Variants in KLF5 observed in about 807,000 individuals in gnomAD.
The protein encoded by KLF5 is Krueppel-like factor 5.
In KLF5, 9 loss-of-function variants were observed where a neutral mutation model predicts 36.9. The observed-to-expected ratio is 0.24, with a 90% confidence interval of 0.15 to 0.43. The LOEUF is 0.43. Among genes scored for constraint, KLF5 ranks in the 20% least tolerant of loss-of-function variants. KLF5 has a pLI of 1.00. For missense variants in KLF5, 524 were observed against 599.5 expected (o/e 0.87, Z 1.31); for synonymous variants, 246 against 241.7 (o/e 1.02, Z -0.17).
intron 3 of KLF5, among the ~76,000 whole-genome samples, chr13:73,071,128 A>G (rs1308438040): frequency 6.6e-6 from 1 of 152,244 alleles, no homozygotes; most frequent in Non-Finnish European, 1.5e-5. Flanking sequence ...AAGCCTTCCT[A>G]AAGCAGTATA....
chr13:73,064,276 T>G (rs574280604), intron 3 of KLF5, among the ~76,000 whole-genome samples: 2 of 152,336 alleles, frequency 1.3e-5, no homozygotes, highest in African/African-American at 4.8e-5. Context: ...TCTTAAAAAC[T>G]TTCCCATTTG....
rs73518693 is a variant in KLF5 at position 73,066,737 on chromosome 13, G to A, written c.1195+2854G>A. Among the ~76,000 whole-genome samples the A allele has an allele frequency of 8.2e-3, 1,252 of 152,262 alleles. 22 individuals carry two copies. Among genetic ancestry groups the A allele is most frequent in the African/African-American group, 0.028 (1,180 of 41,554 alleles). ...GTCTTAACAAAATAGAACTTTTTAA[G>A]TAATCTGAGATGACAGAGTAGATGA... On this transcript the variant is annotated intron_variant, in intron 3 of 3. Coordinates refer to ENST00000377687, the MANE Select transcript of KLF5 (RefSeq NM_001730.5).
chr13:73,062,907 C>G (rs1374798900), intron 2 of KLF5, among the ~76,000 whole-genome samples, 173 bp downstream of exon 2: 1 of 146,134 alleles, frequency 6.8e-6, no homozygotes, highest in African/African-American at 2.5e-5. Context: ...TTTTTTTTCT[C>G]TATCCTATCT....
chr13:73,062,504 C>T lies in KLF5; in HGVS notation c.905C>T (p.Pro302Leu). The T allele has an allele frequency of 3.1e-6, 5 of 1,614,198 alleles. No homozygotes were observed. Among genetic ancestry groups the T allele is most frequent in the Admixed American group, 1.7e-5 (1 of 60,024 alleles). ...FLPQQATYFP[P>L]SPPSSEPGSP... ...CCACAACAGGCCACTTACTTTCCCC[C>T]GTCACCACCAAGCTCAGAGCCTGGA... The change falls in exon 2 of 4, where the codon CCG (proline) becomes CTG (leucine). Residue 302 changes from proline (P) to leucine (L), a missense_variant. This residue lies in a region of KLF5 where 454 missense variants were observed against 458.1 expected (regional missense o/e 0.99). Coordinates refer to ENST00000377687, the MANE Select transcript of KLF5 (RefSeq NM_001730.5).
intron 3 of KLF5, chr13:73,075,195 T>C (rs9573096): frequency 0.51 from 77,183 of 152,112 alleles, 19,877 homozygotes; most frequent in East Asian, 0.69. Context: ...CTAGGACCAG[T>C]TTCTGGTTAA....
In KLF5 at chr13:73,062,558, A is replaced by G; in HGVS notation, c.959A>G (p.Gln320Arg). Reference protein sequence around the residue: ...GSPDRQAEMLQNLTPPPSYAA... With the variant: ...GSPDRQAEMLRNLTPPPSYAA... ...CCAGATAGACAAGCAGAGATGCTCC[A>G]GAATTTAACCCCACCTCCATCCTAT... The change falls in exon 2 of 4, where the codon CAG becomes CGG. Residue 320 changes from glutamine (Q) to arginine (R), a missense_variant. Transcript: ENST00000377687. 2 of 1,614,230 alleles carry G rather than the reference A, an allele frequency of 1.2e-6. No homozygotes were observed. The highest frequency in any genetic ancestry group is 1.7e-6 in the Non-Finnish European group (2 of 1,180,034).
chr13:73,059,772 A>T (rs1227851185), intron 1 of KLF5, 184 bp downstream of exon 1: 33 of 540,954 alleles, frequency 6.1e-5, no homozygotes, highest in Non-Finnish European at 7.3e-5. Context: ...GCTGAGAGTA[A>T]ATGGGGGGGG....
At chr13:73,074,582 G>A (rs1317118190) in intron 3 of KLF5, among the ~76,000 whole-genome samples, 1 of 150,210 alleles carries the variant, frequency 6.7e-6, no homozygotes, top group Non-Finnish European at 1.5e-5. Flanking sequence ...ATTCCTACTG[G>A]AATATATGAT....
chr13:73,063,302 C>T (rs1445950097), intron 2 of KLF5, among the ~76,000 whole-genome samples: 2 of 151,856 alleles, frequency 1.3e-5, no homozygotes, highest in Non-Finnish European at 2.9e-5. Context: ...CATACATGGC[C>T]CAAAGTATAA....
chr13:73,068,703 CAA>C (rs59878653), intron 3 of KLF5, among the ~76,000 whole-genome samples: 25,250 of 92,786 alleles, frequency 0.27, 2,637 homozygotes, highest in Non-Finnish European at 0.34. Flanking sequence ...GACTCCATCT[CAA>C]AAAAAAAAAA....
chr13:73,056,837 A>G (rs34633922), upstream of KLF5, among the ~76,000 whole-genome samples: 1 of 152,228 alleles, frequency 6.6e-6, no homozygotes, highest in Admixed American at 6.5e-5. Flanking sequence ...ATATTCAGTT[A>G]CTATAAGAAC....
chr13:73,072,425 C>T (rs1411691876), intron 3 of KLF5, among the ~76,000 whole-genome samples: 1 of 152,222 alleles, frequency 6.6e-6, no homozygotes, highest in Non-Finnish European at 1.5e-5. Flanking sequence ...GTTGTGCTCT[C>T]TGTTTCAGAT....
chr13:73,057,076 G>A (rs957941997), upstream of KLF5, among the ~76,000 whole-genome samples: 1 of 151,978 alleles, frequency 6.6e-6, no homozygotes, highest in Non-Finnish European at 1.5e-5. Flanking sequence ...TGAAGCTCTC[G>A]TAAAAAGACA....
upstream of KLF5, chr13:73,058,873 C>G (rs2044603678): frequency 6.5e-6 from 1 of 153,452 alleles, no homozygotes; most frequent in East Asian, 1.9e-4. Context: ...TGCCTCTCTC[C>G]CTGCTCATAG....
chr13:73,062,934 G>T (rs1166582201), intron 2 of KLF5, among the ~76,000 whole-genome samples, 200 bp downstream of exon 2: 1 of 149,828 alleles, frequency 6.7e-6, no homozygotes, highest in African/African-American at 2.5e-5. Flanking sequence ...TTTAACTTTG[G>T]TATGTAAACC....
Position 73,059,306 on chromosome 13 carries a change from G to A in KLF5, c.-22G>A, listed in dbSNP as rs995537459. 6.7e-6 allele frequency: 9 copies of A among 1,352,900 alleles called. No individual in the cohort carries two copies. In the East Asian group the frequency reaches 1.2e-4, roughly 19 times the overall value. The allele number at this position is 1,352,900 out of a possible 1,614,324, so 83.8% of individuals were successfully genotyped here. On this transcript the variant is annotated 5_prime_UTR_variant, in exon 1 of 4. Coordinates refer to ENST00000377687, the MANE Select transcript of KLF5 (RefSeq NM_001730.5). ...TGGGAAGTGCGCCCGACCCGCGCCT[G>A]GAGCTGCGCCCCCGAGTGCCCATGG...
upstream of KLF5, among the ~76,000 whole-genome samples, chr13:73,058,460 ATTTG>A (rs756204662): frequency 4.6e-5 from 7 of 152,328 alleles, no homozygotes; most frequent in South Asian, 2.1e-4. Flanking sequence ...GCTGTTTTAA[ATTTG>A]TTTATCACAC....
Position 73,059,139 on chromosome 13 carries a change from G to T in KLF5, c.-189G>T. 2.2e-6 allele frequency: 1 copy of T among 449,244 alleles called. No individual in the cohort carries two copies. Among genetic ancestry groups the T allele is most frequent in the Non-Finnish European group, 3.7e-6 (1 of 271,866 alleles). The allele number at this position is 449,244 out of a possible 1,614,324, so 27.8% of individuals were successfully genotyped here. ...CCGCCCGGAGGACGTTGGCGTTTAC[G>T]TGTGGAAGAGCGGAAGAGTTTTGCT... is the stretch of plus-strand genomic sequence containing the variant. On this transcript the variant is annotated 5_prime_UTR_variant, in exon 1 of 4. Coordinates refer to ENST00000377687, the MANE Select transcript of KLF5 (RefSeq NM_001730.5).
intron 3 of KLF5, among the ~76,000 whole-genome samples, chr13:73,071,136 A>G (rs2044719286): frequency 6.6e-6 from 1 of 152,244 alleles, no homozygotes; most frequent in Non-Finnish European, 1.5e-5. Context: ...CTAAAGCAGT[A>G]TATGTGCAAG....
Sources: gnomAD v4.1 joint callset for allele counts (sites outside exome capture counted in the v4.1 genomes callset) on GRCh38, gnomAD v4.1.1 for gene constraint, gnomAD v4.1.1 regional missense constraint, MANE v1.5 for transcripts, NCBI Gene and HGNC (gene_info 2026-07-23, HGNC 2026-07-21) for gene names.